Variants in COL2A1 observed in about 807,000 individuals in gnomAD.
COL2A1 encodes collagen type II alpha 1 chain.
COL2A1 carries 28 observed loss-of-function variants against 204.5 expected under a neutral mutation model. That is an observed-to-expected ratio of 0.14 (90% CI 0.10 to 0.19). The LOEUF (loss-of-function observed/expected upper bound fraction) is 0.19. Ranked by LOEUF, COL2A1 falls within the 10% of genes least tolerant of loss-of-function variation. COL2A1 has a pLI of 1.00. For synonymous variants in COL2A1, 708 were observed against 718.7 expected (o/e 0.99, Z 0.24); for missense variants, 1,388 against 2,027.5 (o/e 0.68, Z 6.06).
chr12:47,994,139 C>T (rs780899136), intron 12 of COL2A1, 92 bp from the exon 13 acceptor site: 59 of 1,414,850 alleles, frequency 4.2e-5, no homozygotes, highest in Non-Finnish European at 5.8e-5. Flanking sequence ...TTCCCTTGGG[C>T]CACCAGGGCG....
intron 18 of COL2A1, 52 bp downstream of exon 18, chr12:47,989,176 A>C: frequency 6.7e-7 from 1 of 1,490,180 alleles, no homozygotes; most frequent in South Asian, 1.2e-5. Context: ...TTACGGGGAA[A>C]GGACAGCTTC....
chr12:47,988,514 C>G (rs1400184144), intron 18 of COL2A1: 1 of 155,946 alleles, frequency 6.4e-6, no homozygotes, highest in African/African-American at 2.4e-5. Context: ...GTCAGCCCCC[C>G]TCACCTTCCG....
rs889605257 is a variant in COL2A1 at position 47,976,260 on chromosome 12, T to C, written c.3490-190A>G. On this transcript the variant is annotated intron_variant, in intron 49 of 53. Transcript: ENST00000380518. This position sits in a 1 kb window ranked among gnomAD's most constrained non-coding sequence, Gnocchi z 4.3. ...CAGCAGGATAGCTCCATGGCTTGCCTACCCTCCTAAGCTCCTCTTTGTAAA... is the reference window on the plus strand; with the variant it reads ...CAGCAGGATAGCTCCATGGCTTGCCCACCCTCCTAAGCTCCTCTTTGTAAA... Among the ~76,000 whole-genome samples the C allele has an allele frequency of 2.6e-5, 4 of 152,208 alleles. No individual in the cohort carries two copies. Among genetic ancestry groups the C allele is most frequent in the Admixed American group, 2.6e-4 (4 of 15,282 alleles).
chr12:47,988,957 A>G (rs1191281932), intron 18 of COL2A1, among the ~76,000 whole-genome samples: 1 of 152,190 alleles, frequency 6.6e-6, no homozygotes, highest in Non-Finnish European at 1.5e-5. Flanking sequence ...CCTATGGTGT[A>G]TCCCCGTCTT....
At chr12:48,003,636 G>T (rs1293525860) in intron 1 of COL2A1, among the ~76,000 whole-genome samples, 1 of 152,128 alleles carries the variant, frequency 6.6e-6, no homozygotes, top group African/African-American at 2.4e-5. Flanking sequence ...CTAAAGAGGC[G>T]CTGAGGTCTC....
intron 15 of COL2A1, 103 bp from the exon 16 acceptor site, chr12:47,993,034 G>T (rs1343695503): frequency 9.0e-6 from 10 of 1,105,840 alleles, no homozygotes; most frequent in Non-Finnish European, 1.4e-5. Flanking sequence ...GGAGAGGGAG[G>T]ATGCCCACAC....
intron 1 of COL2A1, among the ~76,000 whole-genome samples, chr12:48,000,567 C>T (rs992112603): frequency 1.3e-5 from 2 of 151,976 alleles, no homozygotes; most frequent in Non-Finnish European, 2.9e-5. Context: ...TTCCACCAGC[C>T]CAGGAGCAGA....
Position 47,980,239 on chromosome 12 carries a change from G to C in COL2A1, c.2626-177C>G, listed in dbSNP as rs1202684656. Among the ~76,000 whole-genome samples the C allele has an allele frequency of 6.6e-6, 1 of 152,202 alleles. No individual in the cohort carries two copies. The highest frequency in any genetic ancestry group is 6.5e-5 in the Admixed American group (1 of 15,290). ...CTGTCCCCTCTGCCACAGGAGACTTGTGTTCTAGGAGAAGCCTGTCAGGCA... is the reference window on the plus strand; with the variant it reads ...CTGTCCCCTCTGCCACAGGAGACTTCTGTTCTAGGAGAAGCCTGTCAGGCA... On this transcript the variant is annotated intron_variant, in intron 39 of 53. Coordinates refer to ENST00000380518, the MANE Select transcript of COL2A1 (RefSeq NM_001844.5). This position sits in a 1 kb window ranked among gnomAD's most constrained non-coding sequence, Gnocchi z 4.5.
rs1480731765 is a variant in COL2A1 at position 47,986,360 on chromosome 12, C to T, written c.1503G>A (p.Gly501=). The change falls in exon 23 of 54, where the codon GGG becomes GGA. Residue 501 remains glycine (G), a synonymous_variant. Coordinates refer to ENST00000380518, the MANE Select transcript of COL2A1 (RefSeq NM_001844.5). ...RGARGEPGGV[G]PIGPPGERGA... is the part of the protein sequence containing the mutation. ...CTCTTTCTCCAGGGGGACCGATGGG[C>T]CCAACGCCACCAGGCTCTCCACGGG... is the stretch of plus-strand genomic sequence containing the variant. 3 of 1,568,006 alleles carry T rather than the reference C, an allele frequency of 1.9e-6. No individual in the cohort carries two copies.
At position 47,978,147 on chromosome 12, in the gene COL2A1, G is replaced by T; in HGVS notation, c.3004-30C>A. On this transcript the variant is annotated intron_variant, in intron 43 of 53. Transcript: ENST00000380518. This position sits in a 1 kb window ranked among gnomAD's most constrained non-coding sequence, Gnocchi z 5.5. ...AGGGACAGAGACAAGGATGATGAGTGCAAGTGGTAAGCACCCCTGCCCAGG... is the reference window on the plus strand; with the variant it reads ...AGGGACAGAGACAAGGATGATGAGTTCAAGTGGTAAGCACCCCTGCCCAGG... The T allele has an allele frequency of 6.2e-7, 1 of 1,601,866 alleles. No homozygotes were observed. Among genetic ancestry groups the T allele is most frequent in the Admixed American group, 1.7e-5 (1 of 58,946 alleles).
chr12:47,984,844 C>T (rs1277782904), intron 27 of COL2A1, 151 bp downstream of exon 27: 4 of 791,622 alleles, frequency 5.1e-6, no homozygotes, highest in Non-Finnish European at 8.7e-6. Flanking sequence ...CCCCAAATCA[C>T]ATACAGACCC....
chr12:47,984,467 C>T (rs2136561081), intron 28 of COL2A1, 79 bp downstream of exon 28: 2 of 1,447,688 alleles, frequency 1.4e-6, no homozygotes, highest in Middle Eastern at 1.7e-4. Context: ...GGGACCATGC[C>T]ATGGGGAGGC....
intron 8 of COL2A1, 125 bp from the exon 9 acceptor site, chr12:47,996,044 A>G (rs191449412): frequency 5.6e-5 from 42 of 756,748 alleles, no homozygotes; most frequent in Non-Finnish European, 9.4e-5. Flanking sequence ...CAAGGGGCCT[A>G]GAGTGGCTGC....
At chr12:47,979,976 G>T (rs1237050830) in intron 40 of COL2A1, 33 bp downstream of exon 40, 1 of 1,541,126 alleles carries the variant, frequency 6.5e-7, no homozygotes, top group Non-Finnish European at 8.8e-7. Flanking sequence ...CTCTTTGTGA[G>T]GTGCAGGGTG....
chr12:47,987,192 G>T lies in COL2A1; in HGVS notation c.1267-16C>A. The stretch of plus-strand genomic sequence containing the variant: ...CAGGAGCACCCTGTGGGCATGAGAA[G>T]AAGGGAGGGGTGTCAGGAGAGGGGA... On this transcript the variant is annotated splice_polypyrimidine_tract_variant and intron_variant, in intron 20 of 53. Transcript: ENST00000380518. The surrounding 1 kb of genome is among the most constrained non-coding windows in gnomAD (Gnocchi z 4.1). 6.2e-7 allele frequency: 1 copy of T among 1,613,886 alleles called. No individual in the cohort carries two copies. Among genetic ancestry groups the T allele is most frequent in the Non-Finnish European group, 8.5e-7 (1 of 1,179,792 alleles).
In COL2A1 at chr12:47,993,801, C is replaced by A; in HGVS notation, c.924+8G>T. The A allele has an allele frequency of 6.2e-7, 1 of 1,614,038 alleles. No homozygotes were observed. Among genetic ancestry groups the A allele is most frequent in the Non-Finnish European group, 8.5e-7 (1 of 1,179,934 alleles). On this transcript the variant is annotated splice_region_variant and intron_variant, in intron 14 of 53. Transcript: ENST00000380518. Reference sequence around the variant, plus strand: ...CTCCCCATCCCATTGTACTTTCTGGCCTCTCACCTTCACACCAGGAGCACC... The same window carrying A: ...CTCCCCATCCCATTGTACTTTCTGGACTCTCACCTTCACACCAGGAGCACC...
intron 8 of COL2A1, 149 bp downstream of exon 8, chr12:47,996,399 C>T: frequency 1.3e-6 from 1 of 779,016 alleles, no homozygotes; most frequent in Non-Finnish European, 2.3e-6. Context: ...AAACCAAATG[C>T]TTTGGGCTAG....
chr12:47,995,590 T>C (rs1939919126), intron 10 of COL2A1, 120 bp downstream of exon 10: 4 of 1,084,744 alleles, frequency 3.7e-6, no homozygotes, highest in Non-Finnish European at 5.7e-6. Flanking sequence ...CCGAATTTCC[T>C]TGGGGCCACC....
chr12:47,973,741 C>A (rs571723638), intron 53 of COL2A1, among the ~76,000 whole-genome samples, 188 bp from the exon 54 acceptor site: 1 of 152,108 alleles, frequency 6.6e-6, no homozygotes, highest in South Asian at 2.1e-4. Context: ...CTATCCTTAG[C>A]GGCAGGGCCC....
Sources: allele counts gnomAD v4.1 joint callset (sites outside exome capture counted in the v4.1 genomes callset), GRCh38; gene constraint gnomAD v4.1.1; non-coding constraint Gnocchi (gnomAD v3.1); transcripts MANE v1.5; gene names NCBI Gene and HGNC (gene_info 2026-07-23, HGNC 2026-07-21).